Variants in CNTLN observed in about 807,000 individuals in gnomAD.
CNTLN encodes the protein centlein, also known as centlein, centrosomal protein.
In CNTLN, 212 loss-of-function variants were observed where a neutral mutation model predicts 180.0. The observed-to-expected ratio is 1.18, with a 90% CI of 1.05 to 1.32. CNTLN has a LOEUF of 1.32. CNTLN is among the 40% of genes most tolerant of loss of function. The pLI, the probability that CNTLN is intolerant of heterozygous loss-of-function variation, is 0.00. For missense variants in CNTLN, 2,095 were observed against 1,610.9 expected (o/e 1.30, Z -5.14); for synonymous variants, 722 against 563.1 (o/e 1.28, Z -3.99).
intron 25 of CNTLN, among the ~76,000 whole-genome samples, chr9:17,500,450 G>A (rs1041379789): frequency 3.3e-5 from 5 of 152,174 alleles, no homozygotes; most frequent in Non-Finnish European, 7.3e-5. Context: ...ATTGTGGACT[G>A]GTGAAAGGTC....
intron 8 of CNTLN, among the ~76,000 whole-genome samples, chr9:17,312,365 T>TATATATATAATATATATATATATA (rs1819221464): frequency 4.2e-4 from 3 of 7,212 alleles, no homozygotes; most frequent in African/African-American, 6.9e-4. Flanking sequence ...ATATATATAT[T>TATATATATAATATATATATATATA]ATATATATAT....
intron 13 of CNTLN, among the ~76,000 whole-genome samples, chr9:17,375,435 A>C (rs1487526252): frequency 6.6e-6 from 1 of 152,198 alleles, no homozygotes; most frequent in Non-Finnish European, 1.5e-5. Context: ...GAGGTGATGG[A>C]TGCCCCATTT....
chr9:17,479,030 T>TA (rs991655884), intron 23 of CNTLN, among the ~76,000 whole-genome samples: 6 of 152,266 alleles, frequency 3.9e-5, no homozygotes, highest in African/African-American at 1.2e-4. Flanking sequence ...GGCAGCTATT[T>TA]AAAAAAAGAT....
chr9:17,442,565 AT>A (rs1333699284), intron 18 of CNTLN, among the ~76,000 whole-genome samples: 1 of 151,986 alleles, frequency 6.6e-6, no homozygotes, highest in Admixed American at 6.6e-5. Context: ...TGCCTGGCTA[AT>A]TTTTTGTATT....
chr9:17,505,249 C>G (rs892808194), downstream of CNTLN, among the ~76,000 whole-genome samples: 3 of 152,022 alleles, frequency 2.0e-5, no homozygotes, highest in African/African-American at 7.2e-5. Context: ...AAACACTTCC[C>G]CCTATAATCA....
chr9:17,438,256 A>G (rs925785959), intron 18 of CNTLN, among the ~76,000 whole-genome samples: 13 of 152,128 alleles, frequency 8.5e-5, no homozygotes, highest in African/African-American at 2.7e-4. Context: ...GATTGAATGC[A>G]AGCAACTAGA....
At chr9:17,375,553 A>G (rs995224699) in intron 13 of CNTLN, among the ~76,000 whole-genome samples, 4 of 152,222 alleles carry the variant, frequency 2.6e-5, no homozygotes, top group Non-Finnish European at 4.4e-5. Context: ...TTTTATAAGG[A>G]TAAATGATAC....
At chr9:17,206,813 T>C (rs2131927118) in intron 2 of CNTLN, among the ~76,000 whole-genome samples, 1 of 152,340 alleles carries the variant, frequency 6.6e-6, no homozygotes, top group African/African-American at 2.4e-5. Context: ...TTCAATCTAT[T>C]CCTATATGTT....
intron 3 of CNTLN, among the ~76,000 whole-genome samples, chr9:17,228,264 T>C (rs956845631): frequency 6.6e-6 from 1 of 152,106 alleles, no homozygotes; most frequent in African/African-American, 2.4e-5. Flanking sequence ...CTAAATTCTT[T>C]GTCTACTTCT....
intron 7 of CNTLN, chr9:17,301,791 TA>T: frequency 1.0e-6 from 1 of 980,354 alleles, no homozygotes; most frequent in Non-Finnish European, 1.2e-6. Context: ...GTAGTTATTT[TA>T]AAAAACAAAG....
intron 8 of CNTLN, among the ~76,000 whole-genome samples, chr9:17,314,835 T>C (rs1030182405): frequency 6.6e-6 from 1 of 152,248 alleles, no homozygotes; most frequent in Non-Finnish European, 1.5e-5. Flanking sequence ...AGATTTATTC[T>C]GATAGGATCT....
At chr9:17,151,186 G>A (rs192582729) in intron 2 of CNTLN, among the ~76,000 whole-genome samples, 30 of 152,224 alleles carry the variant, frequency 2.0e-4, no homozygotes, top group Admixed American at 1.8e-3. Context: ...ATATTATGTT[G>A]AATAGGAGTG....
intron 24 of CNTLN, among the ~76,000 whole-genome samples, chr9:17,486,050 AT>A (rs751252491): frequency 1.4e-4 from 22 of 152,130 alleles, no homozygotes; most frequent in Admixed American, 9.2e-4. Context: ...TCCTGAAAGA[AT>A]AAGAGATATA....
intron 25 of CNTLN, among the ~76,000 whole-genome samples, chr9:17,492,614 T>C (rs945021352): frequency 1.3e-5 from 2 of 152,162 alleles, no homozygotes; most frequent in Non-Finnish European, 2.9e-5. Context: ...CAGAGAAAAT[T>C]GTACACTTGT....
At chr9:17,144,426 G>A (rs1014449833) in intron 2 of CNTLN, among the ~76,000 whole-genome samples, 1 of 151,902 alleles carries the variant, frequency 6.6e-6, no homozygotes, top group Non-Finnish European at 1.5e-5. Context: ...TGTTTTTTTA[G>A]TAGAATAAGC....
At chr9:17,164,535 G>T (rs1305168599) in intron 2 of CNTLN, among the ~76,000 whole-genome samples, 1 of 140,808 alleles carries the variant, frequency 7.1e-6, no homozygotes, top group South Asian at 2.3e-4. Flanking sequence ...CGCTACCTCG[G>T]CTCACTGTGA....
chr9:17,150,291 G>T (rs889114376), intron 2 of CNTLN, among the ~76,000 whole-genome samples: 1 of 152,150 alleles, frequency 6.6e-6, no homozygotes, highest in African/African-American at 2.4e-5. Flanking sequence ...TAGGTCTTAC[G>T]TTTAAGTCTT....
At chr9:17,264,408 T>A (rs1398842657) in intron 5 of CNTLN, among the ~76,000 whole-genome samples, 86 of 150,956 alleles carry the variant, frequency 5.7e-4, no homozygotes, top group African/African-American at 2.0e-3. Context: ...TCTATATCTC[T>A]GTTTTGGTAC....
chr9:17,204,076 G>A (rs898872912), intron 2 of CNTLN, among the ~76,000 whole-genome samples: 1 of 152,078 alleles, frequency 6.6e-6, no homozygotes, highest in East Asian at 1.9e-4. Context: ...TTTTATCCAC[G>A]TTCTTAGCTT....
Sources: gnomAD v4.1 joint callset for allele counts (sites outside exome capture counted in the v4.1 genomes callset) on GRCh38, gnomAD v4.1.1 for gene constraint, MANE v1.5 for transcripts, NCBI Gene and HGNC (gene_info 2026-07-23, HGNC 2026-07-21) for gene names.